POLR1B: variants seen among roughly 807,000 people sequenced by gnomAD.
POLR1B encodes the protein DNA-directed RNA polymerase I subunit RPA2.
POLR1B carries 30 observed loss-of-function variants against 105.8 expected under a neutral mutation model. That is an observed-to-expected ratio of 0.28 (90% confidence interval 0.21 to 0.38). The LOEUF is 0.38. Ranked by LOEUF, POLR1B falls within the 10% of genes least tolerant of loss-of-function variation. The pLI is 1.00. For missense variants in POLR1B, 976 were observed against 1,435.8 expected (o/e 0.68, Z 5.17); for synonymous variants, 485 against 505.1 (o/e 0.96, Z 0.53).
At chr2:112,567,774 G>A (rs1365147173) in intron 10 of POLR1B, among the ~76,000 whole-genome samples, 193 bp from the exon 11 acceptor site, 2 of 152,162 alleles carry the variant, frequency 1.3e-5, no homozygotes, top group South Asian at 2.1e-4. Context: ...GTATCGACAC[G>A]TGCATTCATG....
In POLR1B at chr2:112,569,191, T is replaced by C. The variant is rs546905106; in HGVS notation, c.2074+289T>C. ...TATAGAATGTCCATAGATTTGGGTG[T>C]GCCTGAGGTCTTATTATTTGATTTT... On this transcript the variant is annotated intron_variant, in intron 12 of 14. Coordinates refer to ENST00000263331, the MANE Select transcript of POLR1B (RefSeq NM_019014.6). Among the ~76,000 whole-genome samples, 4 of 152,366 alleles carry C rather than the reference T, an allele frequency of 2.6e-5. No homozygotes were observed. The South Asian group carries it at 8.3e-4, about 32-fold the overall frequency.
upstream of POLR1B, chr2:112,542,053 TC>T: frequency 6.7e-7 from 1 of 1,492,974 alleles, no homozygotes; most frequent in Non-Finnish European, 9.0e-7. Context: ...GCCGGATGAC[TC>T]CCCAGGGTCG....
Position 112,568,837 on chromosome 2 carries a change from T to C in POLR1B, c.2009T>C (p.Ile670Thr). 1.2e-6 allele frequency: 2 copies of C among 1,614,170 alleles called. No individual in the cohort carries two copies. Among genetic ancestry groups the C allele is most frequent in the Non-Finnish European group, 1.7e-6 (2 of 1,180,008 alleles). The change falls in exon 12 of 15, where the codon ATT (isoleucine) becomes ACT (threonine). Residue 670 changes from isoleucine to threonine, a missense_variant. Coordinates refer to ENST00000263331, the MANE Select transcript of POLR1B (RefSeq NM_019014.6). ...TTTCCACACAGCCTGCTGAGTGTGATTGCCAACTTCATCCCTTTCTCTGAT... is the reference window on the plus strand; with the variant it reads ...TTTCCACACAGCCTGCTGAGTGTGACTGCCAACTTCATCCCTTTCTCTGAT... Reference protein sequence around the residue: ...ELFPHSLLSVIANFIPFSDHN... With the variant: ...ELFPHSLLSVTANFIPFSDHN...
chr2:112,564,416 C>T lies in POLR1B; in HGVS notation c.1663C>T (p.Pro555Ser). ...APHRSYSECYPVLLDGVMVGW... is the reference protein window; with the variant it reads ...APHRSYSECYSVLLDGVMVGW... ...CCACCGATCATACAGTGAGTGCTAC[C>T]CTGTCCTGCTGGACGGTGTCATGGT... The change falls in exon 10 of 15, where the codon CCT (proline) becomes TCT (serine). Residue 555 changes from proline to serine, a missense_variant. Around this residue, in one of 12 missense-constraint regions of POLR1B, gnomAD observed 184 missense variants for 197.4 expected, o/e 0.93. Transcript: ENST00000263331. 1.9e-6 allele frequency: 3 copies of T among 1,614,224 alleles called. No homozygotes were observed. The highest frequency in any genetic ancestry group is 1.7e-6 in the Non-Finnish European group (2 of 1,180,034).
chr2:112,553,078 T>G (rs1436135664), intron 7 of POLR1B, among the ~76,000 whole-genome samples: 1 of 152,234 alleles, frequency 6.6e-6, no homozygotes, highest in Non-Finnish European at 1.5e-5. Context: ...TGGCCTGTAT[T>G]TATACATATG....
At chr2:112,560,823 G>A (rs944823636) in intron 9 of POLR1B, among the ~76,000 whole-genome samples, 1 of 152,164 alleles carries the variant, frequency 6.6e-6, no homozygotes, top group Non-Finnish European at 1.5e-5. Flanking sequence ...TTGGGAAGCC[G>A]AGGTGTGCAG....
At chr2:112,562,061 C>A (rs1403535817) in intron 9 of POLR1B, among the ~76,000 whole-genome samples, 2 of 152,044 alleles carry the variant, frequency 1.3e-5, no homozygotes, top group Admixed American at 6.6e-5. Flanking sequence ...ACAGACTGGG[C>A]AAGGGGCACT....
intron 6 of POLR1B, 123 bp from the exon 7 acceptor site, chr2:112,552,522 T>G: frequency 9.2e-7 from 1 of 1,092,894 alleles, no homozygotes; most frequent in Non-Finnish European, 1.3e-6. Context: ...GCTCAAAAAC[T>G]GAATGCTTAA....
upstream of POLR1B, chr2:112,542,406 C>T (rs751603292): frequency 8.5e-5 from 137 of 1,611,710 alleles, no homozygotes; most frequent in Non-Finnish European, 1.1e-4. Flanking sequence ...GCTGCGGAAA[C>T]GGGACTGCGG....
At position 112,577,452 on chromosome 2, in the gene POLR1B, G is replaced by A. The variant is rs1008435394; in HGVS notation, c.*1723G>A. Among the ~76,000 whole-genome samples the A allele has an allele frequency of 6.6e-6, 1 of 152,216 alleles. No individual in the cohort carries two copies. The highest frequency in any genetic ancestry group is 1.5e-5 in the Non-Finnish European group (1 of 68,026). On this transcript the variant is annotated 3_prime_UTR_variant, in exon 15 of 15. Transcript: ENST00000263331. ...TAGTCCCAGCTACTTGGGAGGCTGA[G>A]GTGGGAGGATTGCTTGAACCCAAGA...
At chr2:112,552,084 T>A in intron 6 of POLR1B, 86 bp downstream of exon 6, 2 of 1,077,564 alleles carry the variant, frequency 1.9e-6, no homozygotes, top group South Asian at 1.5e-5. Flanking sequence ...GGCGGGCGAG[T>A]CATTTGGGAA....
At position 112,575,157 on chromosome 2, in the gene POLR1B, G is replaced by A; in HGVS notation, c.2836G>A (p.Asp946Asn). 2 of 1,614,116 alleles carry A rather than the reference G, an allele frequency of 1.2e-6. No homozygotes were observed. The highest frequency in any genetic ancestry group is 1.7e-6 in the Non-Finnish European group (2 of 1,180,028). The stretch of plus-strand genomic sequence containing the variant: ...TGCAGCTTTGCATGGTCTCTGCCAT[G>A]ATGCTACACCCTTCATCTTCTCAGA... Reference protein sequence around the residue: ...KSAALHGLCHDATPFIFSEEN... With the variant: ...KSAALHGLCHNATPFIFSEEN... The change falls in exon 15 of 15, where the codon GAT becomes AAT. Residue 946 changes from aspartate (D) to asparagine (N), a missense_variant. Coordinates refer to ENST00000263331, the MANE Select transcript of POLR1B (RefSeq NM_019014.6). The surrounding 1 kb of genome is among the most constrained non-coding windows in gnomAD (Gnocchi z 5.3).
In POLR1B at chr2:112,564,504, G is replaced by A. The variant is rs779568585; in HGVS notation, c.1746+5G>A. 2 of 1,614,216 alleles carry A rather than the reference G, an allele frequency of 1.2e-6. No individual in the cohort carries two copies. Among genetic ancestry groups the A allele is most frequent in the South Asian group, 2.2e-5 (2 of 91,090 alleles). On this transcript the variant is annotated splice_donor_5th_base_variant and intron_variant, in intron 10 of 14. Coordinates refer to ENST00000263331, the MANE Select transcript of POLR1B (RefSeq NM_019014.6). ...GATTCTCTTCGTCATTTTAAGGTGGGCTTGAGGCTTTGTGAATTGTCCTAT... is the reference window on the plus strand; with the variant it reads ...GATTCTCTTCGTCATTTTAAGGTGGACTTGAGGCTTTGTGAATTGTCCTAT...
At position 112,559,578 on chromosome 2, in the gene POLR1B, T is replaced by G. The variant is rs764024496; in HGVS notation, c.1612+4T>G. ...CCAGCTTTACTGTGCAACTTGGGTATGTAGTGTACAGTGATAAACATCTTG... is the reference window on the plus strand; with the variant it reads ...CCAGCTTTACTGTGCAACTTGGGTAGGTAGTGTACAGTGATAAACATCTTG... On this transcript the variant is annotated splice_donor_region_variant and intron_variant, in intron 9 of 14. Coordinates refer to ENST00000263331, the MANE Select transcript of POLR1B (RefSeq NM_019014.6). 17 of 1,613,006 alleles carry G rather than the reference T, an allele frequency of 1.1e-5. No homozygotes were observed. Among genetic ancestry groups the G allele is most frequent in the Non-Finnish European group, 1.3e-5 (15 of 1,179,174 alleles).
chr2:112,550,900 C>G lies in POLR1B; in HGVS notation c.660C>G (p.Ser220=). The change falls in exon 5 of 15, where the codon TCC becomes TCG. Residue 220 remains serine (S), a synonymous_variant. Transcript: ENST00000263331. ...VSMHCVREEH[S]AVNMNLHYLE... ...TGCACTGTGTGAGGGAAGAACATTC[C>G]GCTGTCAATATGAACCTCCACTACT... 2 of 1,613,974 alleles carry G rather than the reference C, an allele frequency of 1.2e-6. No individual in the cohort carries two copies. Among genetic ancestry groups the G allele is most frequent in the Non-Finnish European group, 8.5e-7 (1 of 1,179,908 alleles).
intron 9 of POLR1B, among the ~76,000 whole-genome samples, chr2:112,560,883 C>A (rs1263136419): frequency 6.6e-6 from 1 of 152,034 alleles, no homozygotes; most frequent in Non-Finnish European, 1.5e-5. Context: ...ATGGTGAAAC[C>A]CCATCTCTAC....
intron 1 of POLR1B, among the ~76,000 whole-genome samples, chr2:112,545,597 C>T (rs1682995526): frequency 1.3e-5 from 2 of 151,712 alleles, no homozygotes; most frequent in Non-Finnish European, 1.5e-5. Flanking sequence ...AGTGCAGCTG[C>T]GTCTTGAGAA....
chr2:112,575,119 T>C lies in POLR1B; in HGVS notation c.2798T>C (p.Met933Thr). Residue 933 changes from methionine to threonine, a missense_variant, in exon 15 of 15, where the codon ATG (methionine) becomes ACG (threonine). Physicochemically the swap from Met to Thr is moderately conservative, Grantham distance 81. Transcript: ENST00000263331. This position sits in a 1 kb window ranked among gnomAD's most constrained non-coding sequence, Gnocchi z 5.3. Reference protein sequence around the residue: ...RMTIGMLIESMAGKSAALHGL... With the variant: ...RMTIGMLIESTAGKSAALHGL... The stretch of plus-strand genomic sequence containing the variant: ...ACCATTGGGATGTTAATTGAGAGTA[T>C]GGCCGGGAAGTCTGCAGCTTTGCAT... The C allele has an allele frequency of 6.2e-7, 1 of 1,614,204 alleles. No homozygotes were observed. The highest frequency in any genetic ancestry group is 8.5e-7 in the Non-Finnish European group (1 of 1,180,036).
chr2:112,572,960 G>C (rs73955243), intron 13 of POLR1B, among the ~76,000 whole-genome samples: 127 of 152,302 alleles, frequency 8.3e-4, no homozygotes, highest in African/African-American at 3.0e-3. Context: ...ATACACGTAT[G>C]TCTTGCATAT....
Sources: allele counts gnomAD v4.1 joint callset (sites outside exome capture counted in the v4.1 genomes callset), GRCh38; gene constraint gnomAD v4.1.1; regional missense constraint gnomAD v4.1.1; non-coding constraint Gnocchi (gnomAD v3.1); transcripts MANE v1.5; gene names NCBI Gene and HGNC (gene_info 2026-07-23, HGNC 2026-07-21).